Variants in TARBP1 observed in about 807,000 individuals in gnomAD.
TARBP1 encodes the protein tRNA guanosine 2 -O-methyltransferase TARBP1, also known as tRNA (guanosine(18)-2'-O)-methyltransferase TARBP1.
In TARBP1, 144 loss-of-function variants were observed where a neutral mutation model predicts 178.6. That is an observed-to-expected ratio of 0.81 (90% CI 0.70 to 0.93). The LOEUF (loss-of-function observed/expected upper bound fraction) is 0.93. TARBP1 is among the 40% of genes least tolerant of loss of function. The pLI is 0.00. For missense variants in TARBP1, 2,067 were observed against 2,011.7 expected, an observed-to-expected ratio of 1.03 and a Z score of -0.53; for synonymous variants, 787 against 781.0, an observed-to-expected ratio of 1.01 and a Z score of -0.13.
chr1:234,427,905 C>T (rs554345896), intron 17 of TARBP1, 139 bp from the exon 18 acceptor site: 79 of 480,562 alleles, frequency 1.6e-4, no homozygotes, highest in Admixed American at 1.4e-3. Context: ...AATAACTTTG[C>T]GAGATGATCA....
At chr1:234,457,115 G>A (rs1010482822) in intron 9 of TARBP1, among the ~76,000 whole-genome samples, 4 of 152,166 alleles carry the variant, frequency 2.6e-5, no homozygotes, top group Non-Finnish European at 4.4e-5. Flanking sequence ...GGCCAGGGAC[G>A]TGACATCAAC....
chr1:234,467,968 A>T (rs1179366305), intron 3 of TARBP1, among the ~76,000 whole-genome samples: 1 of 152,076 alleles, frequency 6.6e-6, no homozygotes, highest in Non-Finnish European at 1.5e-5. Context: ...TTTTAGAAAC[A>T]TGGTCTCAGA....
chr1:234,454,180 C>T (rs990251005), intron 9 of TARBP1, among the ~76,000 whole-genome samples: 1 of 152,170 alleles, frequency 6.6e-6, no homozygotes, highest in Non-Finnish European at 1.5e-5. Flanking sequence ...AACCTCACAA[C>T]TCATACAACA....
At chr1:234,471,358 C>A (rs6697027) in intron 2 of TARBP1, 101 bp from the exon 3 acceptor site, 14 of 758,920 alleles carry the variant, frequency 1.8e-5, no homozygotes, top group Non-Finnish European at 3.1e-5. Flanking sequence ...TCTGTTTCTA[C>A]AAAACATATG....
At chr1:234,468,713 G>A (rs1169305597) in intron 3 of TARBP1, among the ~76,000 whole-genome samples, 1 of 151,874 alleles carries the variant, frequency 6.6e-6, no homozygotes, top group Non-Finnish European at 1.5e-5. Context: ...GACCTTGACT[G>A]CCACTCCAAC....
chr1:234,457,187 G>A (rs964172970), intron 9 of TARBP1, among the ~76,000 whole-genome samples: 8 of 152,256 alleles, frequency 5.3e-5, no homozygotes, highest in East Asian at 1.9e-4. Flanking sequence ...GCCACAGAGC[G>A]GCATGGAGAA....
Position 234,478,270 on chromosome 1 carries a change from G to T in TARBP1, c.834C>A (p.Ala278=). 1 of 1,597,242 alleles carries T rather than the reference G, an allele frequency of 6.3e-7. No homozygotes were observed. Among genetic ancestry groups the T allele is most frequent in the African/African-American group, 1.3e-5 (1 of 74,616 alleles). Residue 278 remains alanine, a synonymous_variant, in exon 1 of 30, where the codon GCC becomes GCA. Coordinates refer to ENST00000040877, the MANE Select transcript of TARBP1 (RefSeq NM_005646.4). Reference sequence around the variant, plus strand: ...GGTAGCGCGCTCGCTTGCGCGTCAGGGCGTCCGCCTGGCCCAGCCCCGCCT... The same window carrying T: ...GGTAGCGCGCTCGCTTGCGCGTCAGTGCGTCCGCCTGGCCCAGCCCCGCCT... The part of the protein sequence containing the change: ...TVQAGLGQAD[A]LTRKRARYLL...
chr1:234,444,233 C>T (rs920137307), intron 12 of TARBP1, among the ~76,000 whole-genome samples: 6 of 145,910 alleles, frequency 4.1e-5, no homozygotes, highest in Non-Finnish European at 7.6e-5. Flanking sequence ...CAGCAAAGAC[C>T]AGACCCACCA....
intron 6 of TARBP1, among the ~76,000 whole-genome samples, chr1:234,461,079 T>G (rs1007048849): frequency 6.6e-6 from 1 of 152,172 alleles, no homozygotes; most frequent in African/African-American, 2.4e-5. Context: ...GGTTTCTTTT[T>G]GAGGGTGATC....
chr1:234,478,223 A>G lies in TARBP1; in HGVS notation c.881T>C (p.Val294Ala). Residue 294 changes from valine (V) to alanine (A), a missense_variant, in exon 1 of 30, where the codon GTG becomes GCG. By Grantham distance (64) the Val-to-Ala change is moderately conservative. Coordinates refer to ENST00000040877, the MANE Select transcript of TARBP1 (RefSeq NM_005646.4). ...GCAGTCGGCCCCCAGCTCCGCCGAC[A>G]CCTCCACCGCCCTCTGCAGCAGGTA... ...ARYLLQRAVE[V>A]SAELGADCTC... The G allele has an allele frequency of 6.2e-7, 1 of 1,611,134 alleles. No homozygotes were observed. The highest frequency in any genetic ancestry group is 8.5e-7 in the Non-Finnish European group (1 of 1,179,370).
At position 234,420,814 on chromosome 1, in the gene TARBP1, T is replaced by C. The variant is rs1175133286; in HGVS notation, c.3445-2A>G. The C allele has an allele frequency of 1.9e-6, 3 of 1,551,258 alleles. No individual in the cohort carries two copies. The East Asian group carries it at 6.8e-5, about 35-fold the overall frequency. ...TTTGGACTTGGACACTAATTCATCC[T>C]GGAAAGGAGAAGGGAGGGAGTCAAC... On this transcript the variant is annotated splice_acceptor_variant, in intron 20 of 29. Transcript: ENST00000040877. LOFTEE classifies it high-confidence loss of function.
Position 234,421,202 on chromosome 1 carries a change from C to T in TARBP1, c.3445-390G>A, listed in dbSNP as rs185307846. On this transcript the variant is annotated intron_variant, in intron 20 of 29. Transcript: ENST00000040877. The stretch of plus-strand genomic sequence containing the variant: ...CTCCCGGGTTCTAGCAATTCTCCTG[C>T]CTCAGCCTCCCGAGTAGCTGGGACT... Among the ~76,000 whole-genome samples the T allele has an allele frequency of 7.2e-4, 109 of 152,256 alleles. 1 individual carries two copies. The East Asian group carries it at 0.011, about 16-fold the overall frequency.
chr1:234,411,017 C>T (rs1172866226), intron 22 of TARBP1, among the ~76,000 whole-genome samples: 1 of 152,142 alleles, frequency 6.6e-6, no homozygotes, highest in African/African-American at 2.4e-5. Context: ...TTGCAGTTAG[C>T]TGAGATCGTG....
intron 14 of TARBP1, among the ~76,000 whole-genome samples, chr1:234,432,428 G>A (rs1017619209): frequency 3.9e-5 from 6 of 152,172 alleles, no homozygotes; most frequent in South Asian, 4.1e-4. Flanking sequence ...GTGACAGAGC[G>A]AGACTCTGTT....
chr1:234,418,988 C>A (rs568649524), intron 21 of TARBP1, among the ~76,000 whole-genome samples: 1 of 151,902 alleles, frequency 6.6e-6, no homozygotes, highest in Non-Finnish European at 1.5e-5. Flanking sequence ...CTGGCTAACA[C>A]GGTGAAACCC....
At chr1:234,393,324 G>C in intron 28 of TARBP1, 38 bp downstream of exon 28, 1 of 1,432,560 alleles carries the variant, frequency 7.0e-7, no homozygotes, top group South Asian at 1.8e-5. Context: ...GTGCGGGCTT[G>C]TTTTAAGAAC....
rs1268551742 is a variant in TARBP1 at position 234,426,654 on chromosome 1, T to C, written c.3323+663A>G. Among the ~76,000 whole-genome samples the C allele has an allele frequency of 2.6e-5, 4 of 152,134 alleles. No homozygotes were observed. The South Asian group carries it at 8.3e-4, about 31-fold the overall frequency. ...TACAATGCTATTTTAATCATCTCTA[T>C]AAACACACGTACACATTTTTGAAAG... On this transcript the variant is annotated intron_variant, in intron 19 of 29. Coordinates refer to ENST00000040877, the MANE Select transcript of TARBP1 (RefSeq NM_005646.4).
rs1416782438 is a variant in TARBP1, at chr1:234,425,739, T to C, written c.3378A>G (p.Leu1126=). Residue 1126 remains leucine, a synonymous_variant, in exon 20 of 30, where the codon TTA becomes TTG. Transcript: ENST00000040877. Reference sequence around the variant, plus strand: ...TGTGGGACATATTGGAGCCATCTAATAAACACAGGAATTTGACAGCACAAA... The same window carrying C: ...TGTGGGACATATTGGAGCCATCTAACAAACACAGGAATTTGACAGCACAAA... ...VRICAVKFLC[L]LDGSNMSHKL... The C allele has an allele frequency of 5.6e-6, 9 of 1,609,760 alleles. No individual in the cohort carries two copies. Among genetic ancestry groups the C allele is most frequent in the Admixed American group, 1.7e-5 (1 of 59,870 alleles).
At chr1:234,405,830 A>G (rs1661176028) in intron 24 of TARBP1, 73 bp downstream of exon 24, 2 of 1,402,790 alleles carry the variant, frequency 1.4e-6, no homozygotes, top group Non-Finnish European at 9.9e-7. Context: ...CTGACACAGT[A>G]TGGGCACTGC....
Sources: gnomAD v4.1 joint callset for allele counts (sites outside exome capture counted in the v4.1 genomes callset) on GRCh38, gnomAD v4.1.1 for gene constraint, MANE v1.5 for transcripts, NCBI Gene and HGNC (gene_info 2026-07-23, HGNC 2026-07-21) for gene names.